UBE3A: variants seen among roughly 807,000 people sequenced by gnomAD.
The protein encoded by UBE3A is ubiquitin-protein ligase E3A.
UBE3A carries 6 observed loss-of-function variants against 83.4 expected under a neutral mutation model. That is an observed-to-expected ratio of 0.07 (90% CI 0.04 to 0.14). The LOEUF is 0.14. Ranked by LOEUF, UBE3A falls within the 10% of genes least tolerant of loss-of-function variation. The pLI, the probability that UBE3A is intolerant of heterozygous loss-of-function variation, is 1.00. For synonymous variants in UBE3A, 337 were observed against 355.4 expected, an observed-to-expected ratio of 0.95 and a Z score of 0.58; for missense variants, 456 against 1,036.1, an observed-to-expected ratio of 0.44 and a Z score of 7.69.
chr15:25,359,743 TACTTTATC>T lies in UBE3A; in HGVS notation c.1753+632_1753+639del, dbSNP rs1302819997. ...AAAAGACTGCATCTTTTCCCTGTTC[TACTTTATC>T]ACAAAAGGGAAAAAACTAAAATTCT... On this transcript the variant is annotated intron_variant, in intron 7 of 12. Transcript: ENST00000648336. Among the ~76,000 whole-genome samples the T allele has an allele frequency of 2.6e-5, 4 of 152,298 alleles. No individual in the cohort carries two copies. The East Asian group carries it at 5.8e-4, about 22-fold the overall frequency.
chr15:25,356,214 A>G (rs553575634), intron 8 of UBE3A, among the ~76,000 whole-genome samples, 158 bp from the exon 9 acceptor site: 1 of 152,276 alleles, frequency 6.6e-6, no homozygotes, highest in Admixed American at 6.5e-5. Flanking sequence ...TTTCCAACCT[A>G]TAAAAGAAAG....
chr15:25,385,733 T>C (rs2083005658), intron 4 of UBE3A, among the ~76,000 whole-genome samples: 1 of 152,060 alleles, frequency 6.6e-6, no homozygotes, highest in African/African-American at 2.4e-5. Flanking sequence ...TCACCATTTA[T>C]CTGAGATGAA....
chr15:25,400,953 A>G (rs763290692), intron 4 of UBE3A, among the ~76,000 whole-genome samples: 2 of 152,190 alleles, frequency 1.3e-5, no homozygotes, highest in Non-Finnish European at 2.9e-5. Context: ...TATGGCCTTT[A>G]TTTTATAGAG....
At chr15:25,381,643 A>T (rs2082188853) in intron 4 of UBE3A, among the ~76,000 whole-genome samples, 1 of 152,256 alleles carries the variant, frequency 6.6e-6, no homozygotes, top group East Asian at 1.9e-4. Context: ...CTATAAAGCT[A>T]GGAACCACTG....
intron 4 of UBE3A, among the ~76,000 whole-genome samples, chr15:25,398,295 T>C (rs2086077813): frequency 6.6e-6 from 1 of 151,302 alleles, no homozygotes; most frequent in East Asian, 2.0e-4. Context: ...ATACATGCAA[T>C]ACCTCACATA....
intron 1 of UBE3A, among the ~76,000 whole-genome samples, chr15:25,422,211 T>C (rs1429063044): frequency 6.6e-6 from 1 of 152,140 alleles, no homozygotes; most frequent in Non-Finnish European, 1.5e-5. Context: ...ATTCCATGGA[T>C]ATGCAATTCT....
intron 2 of UBE3A, among the ~76,000 whole-genome samples, chr15:25,410,137 G>C (rs945098541): frequency 1.3e-5 from 2 of 151,304 alleles, no homozygotes; most frequent in Admixed American, 6.6e-5. Flanking sequence ...AAAACTTAAA[G>C]TATAATAATA....
intron 1 of UBE3A, among the ~76,000 whole-genome samples, chr15:25,421,031 C>T (rs969053598): frequency 2.0e-5 from 3 of 152,150 alleles, no homozygotes; most frequent in South Asian, 4.1e-4. Flanking sequence ...ATGACTGATA[C>T]GGTTTGAATA....
chr15:25,339,970 G>A, intron 12 of UBE3A, 115 bp downstream of exon 12: 5 of 1,359,802 alleles, frequency 3.7e-6, no homozygotes, highest in Non-Finnish European at 5.2e-6. Flanking sequence ...ATGATTTGGG[G>A]ATTTGTATAT....
chr15:25,340,076 A>G lies in UBE3A; in HGVS notation c.2498+9T>C. On this transcript the variant is annotated intron_variant, in intron 12 of 12. Transcript: ENST00000648336. Reference sequence around the variant, plus strand: ...GTAGGTATACAGTCACAAGTTAATAATTACCTACCTTTCTGTGTCTGGGCC... The same window carrying G: ...GTAGGTATACAGTCACAAGTTAATAGTTACCTACCTTTCTGTGTCTGGGCC... 6.2e-7 allele frequency: 1 copy of G among 1,614,000 alleles called. No individual in the cohort carries two copies. The highest frequency in any genetic ancestry group is 8.5e-7 in the Non-Finnish European group (1 of 1,179,938).
chr15:25,350,311 A>C (rs2076312051), intron 11 of UBE3A, among the ~76,000 whole-genome samples: 1 of 151,744 alleles, frequency 6.6e-6, no homozygotes, highest in South Asian at 2.1e-4. Context: ...AAAAAAAAAA[A>C]ACCAACGAAC....
At chr15:25,419,326 T>C (rs528655390) in intron 1 of UBE3A, 14 of 152,082 alleles carry the variant, frequency 9.2e-5, no homozygotes, top group Non-Finnish European at 1.9e-4. Flanking sequence ...ACAGGATGGA[T>C]AGATGGACAA....
intron 6 of UBE3A, among the ~76,000 whole-genome samples, chr15:25,361,951 T>A (rs1388289119): frequency 1.3e-5 from 2 of 152,220 alleles, no homozygotes; most frequent in Non-Finnish European, 2.9e-5. Context: ...ATCTCATAAA[T>A]TAACGCATCA....
Position 25,337,679 on chromosome 15 carries a change from ACAATCAGTCAAT to A in UBE3A, c.*1446_*1457del, listed in dbSNP as rs746451235. 1 of 152,182 alleles carries A rather than the reference ACAATCAGTCAAT, an allele frequency of 6.6e-6. No individual in the cohort carries two copies. The highest frequency in any genetic ancestry group is 2.1e-4 in the South Asian group (1 of 4,826). The allele number at this position is 152,182 out of a possible 1,614,324, so 9.4% of individuals were successfully genotyped here. ...GGTTGATCTACAGTAATCAGTTAAA[ACAATCAGTCAAT>A]CAATCAATCAATCACCAAGGCACAA... On this transcript the variant is annotated 3_prime_UTR_variant, in exon 13 of 13. Coordinates refer to ENST00000648336, the MANE Select transcript of UBE3A (RefSeq NM_130839.5).
chr15:25,346,011 G>A (rs1009968419), intron 11 of UBE3A: 4 of 152,264 alleles, frequency 2.6e-5, no homozygotes, highest in African/African-American at 9.7e-5. Context: ...CTGGTCCAGA[G>A]CCACAGTGCT....
chr15:25,395,736 A>AAT (rs756216997), intron 4 of UBE3A, among the ~76,000 whole-genome samples: 3 of 152,240 alleles, frequency 2.0e-5, no homozygotes, highest in Non-Finnish European at 2.9e-5. Flanking sequence ...AAGAGTTGTC[A>AAT]ATAGACAGAG....
chr15:25,427,407 A>G (rs984600615), intron 1 of UBE3A, among the ~76,000 whole-genome samples: 23 of 151,980 alleles, frequency 1.5e-4, no homozygotes, highest in African/African-American at 5.3e-4. Context: ...GTGTGGTAAG[A>G]TGGTACTGAC....
chr15:25,436,827 C>A (rs982953420), intron 1 of UBE3A, among the ~76,000 whole-genome samples: 4 of 152,080 alleles, frequency 2.6e-5, no homozygotes, highest in Admixed American at 2.6e-4. Flanking sequence ...GAAAGGAAAT[C>A]AAAACACAGT....
chr15:25,346,003 G>A (rs2075628435), intron 11 of UBE3A: 2 of 152,216 alleles, frequency 1.3e-5, no homozygotes, highest in Non-Finnish European at 2.9e-5. Context: ...TCTCCTTGCT[G>A]GTCCAGAGCC....
Sources: gnomAD v4.1 joint callset for allele counts (sites outside exome capture counted in the v4.1 genomes callset) on GRCh38, gnomAD v4.1.1 for gene constraint, MANE v1.5 for transcripts, NCBI Gene and HGNC (gene_info 2026-07-23, HGNC 2026-07-21) for gene names.